The following MALRD1 variants were observed in gnomAD, a reference collection of about 807,000 sequenced individuals.
MALRD1 encodes the protein MAM and LDL receptor class A domain containing 1.
Under a neutral mutation model 242.1 loss-of-function variants are expected in MALRD1, and 247 were observed. That is an observed-to-expected ratio of 1.02 (90% CI 0.92 to 1.13). MALRD1 has a LOEUF of 1.13. MALRD1 is among the 50% of genes most tolerant of loss of function. MALRD1 has a pLI of 0.00. For missense variants in MALRD1, 2,989 were observed against 2,533.1 expected (o/e 1.18, Z -3.86); for synonymous variants, 995 against 866.6 (o/e 1.15, Z -2.60).
intron 33 of MALRD1, among the ~76,000 whole-genome samples, chr10:19,580,872 A>T (rs1325697133): frequency 6.6e-6 from 1 of 151,922 alleles, no homozygotes; most frequent in Non-Finnish European, 1.5e-5. Flanking sequence ...GATTCCTTAT[A>T]CTACACACAC....
chr10:19,431,075 A>G (rs1417479076), intron 28 of MALRD1, among the ~76,000 whole-genome samples: 1 of 152,196 alleles, frequency 6.6e-6, no homozygotes, highest in Non-Finnish European at 1.5e-5. Context: ...AATGTGTGCC[A>G]TGGTAGTTTG....
chr10:19,141,652 A>C (rs2131427221), intron 10 of MALRD1, among the ~76,000 whole-genome samples: 1 of 152,128 alleles, frequency 6.6e-6, no homozygotes, highest in South Asian at 2.1e-4. Flanking sequence ...GTTCCAGAAA[A>C]GTTGGCATGA....
chr10:19,320,443 G>A (rs1247783822), intron 21 of MALRD1, among the ~76,000 whole-genome samples: 4 of 152,036 alleles, frequency 2.6e-5, no homozygotes, highest in African/African-American at 9.7e-5. Flanking sequence ...GTGTATATGT[G>A]CCAAATTTTC....
At chr10:19,354,338 CT>C (rs1564588249) in intron 26 of MALRD1, among the ~76,000 whole-genome samples, 1 of 151,986 alleles carries the variant, frequency 6.6e-6, no homozygotes, top group Non-Finnish European at 1.5e-5. Flanking sequence ...AAAAATTGCT[CT>C]TAAAAATAAT....
At chr10:19,081,508 G>A (rs1473469461) in intron 2 of MALRD1, among the ~76,000 whole-genome samples, 2 of 152,016 alleles carry the variant, frequency 1.3e-5, no homozygotes, top group African/African-American at 4.8e-5. Flanking sequence ...GCAAACTAGT[G>A]CTGGAACAGA....
At chr10:19,398,924 C>T (rs903433283) in intron 28 of MALRD1, among the ~76,000 whole-genome samples, 1 of 152,188 alleles carries the variant, frequency 6.6e-6, no homozygotes, top group Non-Finnish European at 1.5e-5. Flanking sequence ...GCTATTTCAG[C>T]CAACTAGACA....
chr10:19,655,576 ATAATT>A (rs1449294883), intron 36 of MALRD1, among the ~76,000 whole-genome samples: 1 of 142,252 alleles, frequency 7.0e-6, no homozygotes, highest in African/African-American at 2.6e-5. Flanking sequence ...ATATATGGAG[ATAATT>A]TTATTCACAA....
chr10:19,081,188 T>G (rs1835479384), intron 2 of MALRD1, among the ~76,000 whole-genome samples: 1 of 152,148 alleles, frequency 6.6e-6, no homozygotes, highest in Admixed American at 6.6e-5. Flanking sequence ...AGTTCAACCA[T>G]TGTGGAAGAC....
At chr10:19,400,848 T>A (rs549281102) in intron 28 of MALRD1, among the ~76,000 whole-genome samples, 1 of 152,062 alleles carries the variant, frequency 6.6e-6, no homozygotes, top group Non-Finnish European at 1.5e-5. Context: ...AAACCCTACC[T>A]CTAGTAAAAA....
chr10:19,530,438 A>AAT (rs1564417573), intron 31 of MALRD1, among the ~76,000 whole-genome samples: 7 of 44,326 alleles, frequency 1.6e-4, no homozygotes, highest in African/African-American at 3.3e-4. Flanking sequence ...TAATATATAT[A>AAT]ATATATAATA....
intron 12 of MALRD1, among the ~76,000 whole-genome samples, chr10:19,160,357 G>A (rs1279575899): frequency 1.5e-5 from 2 of 130,206 alleles, no homozygotes; most frequent in East Asian, 2.2e-4. Flanking sequence ...TGCTGGATTC[G>A]GTTTGCCAGT....
intron 21 of MALRD1, chr10:19,290,571 C>T (rs1373820942): frequency 6.6e-6 from 1 of 151,894 alleles, no homozygotes; most frequent in African/African-American, 2.4e-5. Flanking sequence ...TTTCCATTTC[C>T]TTTAAATTAT....
chr10:19,240,916 C>T (rs1838737305), intron 18 of MALRD1, among the ~76,000 whole-genome samples: 1 of 152,122 alleles, frequency 6.6e-6, no homozygotes, highest in African/African-American at 2.4e-5. Flanking sequence ...ATGAATCCCA[C>T]TTGATTATAG....
At chr10:19,320,228 A>G (rs1395777777) in intron 21 of MALRD1, among the ~76,000 whole-genome samples, 1 of 149,518 alleles carries the variant, frequency 6.7e-6, no homozygotes, top group African/African-American at 2.5e-5. Context: ...CCTTACCCCT[A>G]CCCCGCGACA....
chr10:19,467,580 G>A (rs1836283853), intron 29 of MALRD1, among the ~76,000 whole-genome samples: 1 of 151,532 alleles, frequency 6.6e-6, no homozygotes, highest in African/African-American at 2.4e-5. Context: ...GAATTTTGGG[G>A]GAAAGGATGT....
intron 30 of MALRD1, among the ~76,000 whole-genome samples, chr10:19,492,416 C>T (rs530569613): frequency 1.3e-5 from 2 of 152,206 alleles, no homozygotes; most frequent in South Asian, 4.2e-4. Flanking sequence ...GTCAGTAATT[C>T]AGGAAGGGCT....
intron 29 of MALRD1, among the ~76,000 whole-genome samples, chr10:19,472,817 T>G (rs1286968550): frequency 4.6e-5 from 7 of 151,764 alleles, no homozygotes. Flanking sequence ...CAATTTTTTA[T>G]GTTTTTTCAA....
intron 32 of MALRD1, among the ~76,000 whole-genome samples, chr10:19,531,788 G>A (rs1342706378): frequency 6.6e-6 from 1 of 152,076 alleles, no homozygotes; most frequent in Non-Finnish European, 1.5e-5. Flanking sequence ...CAACATGCGC[G>A]CTCTATTTTT....
Position 19,139,038 on chromosome 10 carries a change from G to C in MALRD1, c.1411+2257G>C, listed in dbSNP as rs1040461063. Among the ~76,000 whole-genome samples, 9 of 152,286 alleles carry C rather than the reference G, an allele frequency of 5.9e-5. No homozygotes were observed. In the South Asian group the frequency reaches 1.0e-3, roughly 18 times the overall value. ...GAAAACCTGTCATGTTTGCATGATT[G>C]AGATGGACTTGATATAGGGAATATG... On this transcript the variant is annotated intron_variant, in intron 10 of 39. Coordinates refer to ENST00000454679, the MANE Select transcript of MALRD1 (RefSeq NM_001142308.3).
Sources: allele counts gnomAD v4.1 joint callset (sites outside exome capture counted in the v4.1 genomes callset), GRCh38; gene constraint gnomAD v4.1.1; transcripts MANE v1.5; gene names NCBI Gene and HGNC (gene_info 2026-07-23, HGNC 2026-07-21).